Variants in IMMP1L observed in about 807,000 individuals in gnomAD.
IMMP1L encodes the protein inner mitochondrial membrane peptidase subunit 1, also known as mitochondrial inner membrane protease subunit 1.
A neutral mutation model predicts 21.8 loss-of-function variants in IMMP1L; 24 were observed. The ratio of observed to expected loss-of-function variants is 1.10; its 90% confidence interval spans 0.80 to 1.55. The LOEUF (loss-of-function observed/expected upper bound fraction) is 1.55. Ranked by LOEUF, IMMP1L falls within the 40% of genes most tolerant of loss-of-function variation. IMMP1L has a pLI of 0.00. For missense variants in IMMP1L, 195 were observed against 200.7 expected, an observed-to-expected ratio of 0.97 and a Z score of 0.17; for synonymous variants, 46 against 62.8, an observed-to-expected ratio of 0.73 and a Z score of 1.26.
At chr11:31,504,835 G>C (rs982362985) in intron 1 of IMMP1L, among the ~76,000 whole-genome samples, 60 of 152,312 alleles carry the variant, frequency 3.9e-4, no homozygotes, top group African/African-American at 1.4e-3. Context: ...TCTCACAGAA[G>C]TAGAGAGTAT....
chr11:31,451,509 G>A (rs1235218293), intron 4 of IMMP1L, among the ~76,000 whole-genome samples: 1 of 152,126 alleles, frequency 6.6e-6, no homozygotes, highest in Non-Finnish European at 1.5e-5. Context: ...GGTGAAAGAG[G>A]AGAGTAAGGA....
intron 4 of IMMP1L, among the ~76,000 whole-genome samples, chr11:31,443,661 A>G (rs917112246): frequency 6.6e-6 from 1 of 152,164 alleles, no homozygotes; most frequent in African/African-American, 2.4e-5. Context: ...TAATACACTG[A>G]CTATTTTAAT....
chr11:31,460,846 T>C, intron 2 of IMMP1L, 132 bp from the exon 3 acceptor site: 1 of 689,748 alleles, frequency 1.4e-6, no homozygotes, highest in Non-Finnish European at 2.5e-6. Context: ...CATGAAAATT[T>C]GGCAGTTCTC....
intron 1 of IMMP1L, among the ~76,000 whole-genome samples, chr11:31,476,786 C>T (rs762099951): frequency 4.6e-5 from 7 of 151,962 alleles, no homozygotes; most frequent in Non-Finnish European, 8.8e-5. Context: ...GATAATTTCA[C>T]TTCATTTTCT....
intron 4 of IMMP1L, among the ~76,000 whole-genome samples, chr11:31,444,588 C>CTTT (rs1219601245): frequency 1.5e-5 from 2 of 130,422 alleles, no homozygotes. Context: ...CATTTCTATT[C>CTTT]TTTTTTTTTT....
intron 5 of IMMP1L, among the ~76,000 whole-genome samples, chr11:31,432,781 A>T (rs1221613194): frequency 6.6e-6 from 1 of 152,182 alleles, no homozygotes; most frequent in Non-Finnish European, 1.5e-5. Context: ...GGACATTCAA[A>T]CAATGTACAT....
chr11:31,480,343 C>G (rs1052126398), intron 1 of IMMP1L, among the ~76,000 whole-genome samples: 3 of 151,908 alleles, frequency 2.0e-5, no homozygotes, highest in Non-Finnish European at 4.4e-5. Context: ...TTGATCATAT[C>G]ATCAATGAAA....
At chr11:31,433,338 C>CA (rs1952987817) in intron 5 of IMMP1L, 122 bp downstream of exon 5, 1 of 558,402 alleles carries the variant, frequency 1.8e-6, no homozygotes, top group Non-Finnish European at 3.0e-6. Flanking sequence ...CCAACAGGTT[C>CA]AAAAAATATA....
intron 4 of IMMP1L, among the ~76,000 whole-genome samples, chr11:31,436,502 G>A (rs747729428): frequency 9.2e-5 from 14 of 151,454 alleles, no homozygotes; most frequent in Non-Finnish European, 1.6e-4. Context: ...GTGTGATCTC[G>A]GCTCACTGCA....
chr11:31,453,132 G>T, intron 4 of IMMP1L: 1 of 1,285,716 alleles, frequency 7.8e-7, no homozygotes. Context: ...AGCGTTGCTT[G>T]CCATGTGGTC....
chr11:31,456,038 C>A (rs1367345968), intron 4 of IMMP1L, among the ~76,000 whole-genome samples: 1 of 152,120 alleles, frequency 6.6e-6, no homozygotes, highest in Admixed American at 6.5e-5. Context: ...GTAAATTTTG[C>A]CTGTAACAAT....
At chr11:31,490,629 T>C (rs573212269) in intron 1 of IMMP1L, among the ~76,000 whole-genome samples, 1 of 152,256 alleles carries the variant, frequency 6.6e-6, no homozygotes, top group South Asian at 2.1e-4. Flanking sequence ...TCACAAGCCT[T>C]GAAATTTTTT....
At chr11:31,434,771 A>G (rs1259939506) in intron 4 of IMMP1L, among the ~76,000 whole-genome samples, 1 of 152,200 alleles carries the variant, frequency 6.6e-6, no homozygotes, top group Non-Finnish European at 1.5e-5. Context: ...CATTAAATCT[A>G]TTTGTAGAAA....
chr11:31,489,409 A>C (rs1344755504), intron 1 of IMMP1L, among the ~76,000 whole-genome samples: 3 of 152,208 alleles, frequency 2.0e-5, no homozygotes, highest in Non-Finnish European at 2.9e-5. Flanking sequence ...TTTAATACGT[A>C]AAATGATTCC....
intron 1 of IMMP1L, among the ~76,000 whole-genome samples, chr11:31,486,704 C>G (rs1955090011): frequency 6.6e-6 from 1 of 151,842 alleles, no homozygotes; most frequent in Admixed American, 6.6e-5. Flanking sequence ...TGAATAAATT[C>G]TGGCACATTT....
chr11:31,460,636 C>A lies in IMMP1L; in HGVS notation c.184G>T (p.Gly62Cys). 1 of 1,596,684 alleles carries A rather than the reference C, an allele frequency of 6.3e-7. No homozygotes were observed. Among genetic ancestry groups the A allele is most frequent in the East Asian group, 2.2e-5 (1 of 44,642 alleles). Residue 62 changes from glycine to cysteine, a missense_variant, in exon 3 of 6, where the codon GGT becomes TGT. By Grantham distance (159) the Gly-to-Cys change is radical (BLOSUM62 -3). Coordinates refer to ENST00000532287, the MANE Select transcript of IMMP1L (RefSeq NM_001304274.2). ...FAENLSRHFY[G>C]IQRGDIVIAK... ...ATGACAGAAATTTACCTTTGGATAC[C>A]ATAAAAATGTCGACTAAGATTTTCT...
Position 31,497,096 on chromosome 11 carries a change from T to G in IMMP1L, c.-30+12423A>C, listed in dbSNP as rs564129621. ...GTCCCTGACTTAGCAATGGTTTCAC[T>G]TATGATTTTCAACCTTATAATGGGT... On this transcript the variant is annotated intron_variant, in intron 1 of 5. Transcript: ENST00000532287. Among the ~76,000 whole-genome samples the G allele has an allele frequency of 2.8e-4, 42 of 151,416 alleles. 1 individual carries two copies. The East Asian group carries it at 7.5e-3, about 27-fold the overall frequency.
At chr11:31,452,240 A>G (rs911372152) in intron 4 of IMMP1L, 80 of 984,858 alleles carry the variant, frequency 8.1e-5, no homozygotes, top group Middle Eastern at 1.0e-3. Flanking sequence ...GGAATTTACC[A>G]TATTTCAAAA....
intron 1 of IMMP1L, chr11:31,488,239 A>G (rs995734451): frequency 6.6e-6 from 1 of 152,158 alleles, no homozygotes; most frequent in Non-Finnish European, 1.5e-5. Flanking sequence ...AATTTCAGGA[A>G]TCCTAAAGCA....
Sources: allele counts gnomAD v4.1 joint callset (sites outside exome capture counted in the v4.1 genomes callset), GRCh38; gene constraint gnomAD v4.1.1; transcripts MANE v1.5; gene names NCBI Gene and HGNC (gene_info 2026-07-23, HGNC 2026-07-21).